The following MAU2 variants were observed in gnomAD, a reference collection of about 807,000 sequenced individuals.
MAU2 encodes MAU2 sister chromatid cohesion factor.
In MAU2, 9 loss-of-function variants were observed where a neutral mutation model predicts 89.1. The observed-to-expected ratio is 0.10, with a 90% CI of 0.06 to 0.18. The LOEUF (loss-of-function observed/expected upper bound fraction) is 0.18, where lower values mean the gene tolerates loss of function less well. MAU2 is among the 10% of genes least tolerant of loss of function. The probability of loss-of-function intolerance (pLI) is 1.00; values close to 1 mark genes in which losing one functional copy is unlikely to be tolerated. For synonymous variants in MAU2, 357 were observed against 343.4 expected, an observed-to-expected ratio of 1.04 and a Z score of -0.44; for missense variants, 425 against 803.5, an observed-to-expected ratio of 0.53 and a Z score of 5.69.
chr19:19,330,668 A>G lies in MAU2; in HGVS notation c.277-5050A>G, dbSNP rs573573024. 2.2e-3 allele frequency among the ~76,000 whole-genome samples: 333 copies of G among 152,242 alleles called. 2 individuals are homozygous for G. Among genetic ancestry groups the G allele is most frequent in the South Asian group, 7.7e-3 (37 of 4,824 alleles). On this transcript the variant is annotated intron_variant, in intron 1 of 18. Coordinates refer to ENST00000262815, the MANE Select transcript of MAU2 (RefSeq NM_015329.4). ...GGCAGGAGAATCGCTTGAACCCGGG[A>G]GCCGGAGGGTGCCATGAGCCAAGAT...
At position 19,342,528 on chromosome 19, in the gene MAU2, T is replaced by C. The variant is rs2061659022; in HGVS notation, c.736-7T>C. 4 of 1,569,148 alleles carry C rather than the reference T, an allele frequency of 2.5e-6. No homozygotes were observed. In the East Asian group the frequency reaches 9.0e-5, roughly 35 times the overall value. On this transcript the variant is annotated splice_polypyrimidine_tract_variant and splice_region_variant and intron_variant, in intron 7 of 18. Transcript: ENST00000262815. ...CAGGTGGATGCTCGGGTGTGGGTGC[T>C]GCACAGGTGAAGAGCGTGAAGCCGT...
At chr19:19,349,011 C>G in intron 14 of MAU2, 73 bp downstream of exon 14, 1 of 1,575,740 alleles carries the variant, frequency 6.3e-7, no homozygotes, top group Non-Finnish European at 8.7e-7. Flanking sequence ...CCCTGACTGC[C>G]CCTTGCACCC....
At chr19:19,353,419 C>T (rs935859549) in intron 16 of MAU2, 3 of 152,214 alleles carry the variant, frequency 2.0e-5, no homozygotes, top group Admixed American at 6.5e-5. Flanking sequence ...AGCTCCAAGA[C>T]CCACCTGGAG....
chr19:19,354,612 G>T, intron 17 of MAU2, 167 bp downstream of exon 17: 1 of 637,184 alleles, frequency 1.6e-6, no homozygotes. Context: ...CTGGTTGAGG[G>T]CAGTGGGTGC....
At position 19,343,831 on chromosome 19, in the gene MAU2, C is replaced by T; in HGVS notation, c.974-6C>T. On this transcript the variant is annotated splice_polypyrimidine_tract_variant and splice_region_variant and intron_variant, in intron 9 of 18. Transcript: ENST00000262815. ...CTGCATGCTTACCCCTGACTCTCAC[C>T]CATAGTGCTGGACTGCAGCCCCATC... 1.2e-6 allele frequency: 2 copies of T among 1,609,888 alleles called. No homozygotes were observed. Among genetic ancestry groups the T allele is most frequent in the Non-Finnish European group, 1.7e-6 (2 of 1,176,804 alleles).
intron 1 of MAU2, among the ~76,000 whole-genome samples, chr19:19,331,488 T>C (rs902738070): frequency 3.0e-5 from 4 of 132,542 alleles, no homozygotes; most frequent in Non-Finnish European, 5.0e-5. Flanking sequence ...GGCGACAGAG[T>C]GCAACTCCGT....
intron 9 of MAU2, 49 bp from the exon 10 acceptor site, chr19:19,343,788 C>CGCCTCCTCTG: frequency 2.8e-6 from 4 of 1,427,188 alleles, no homozygotes; most frequent in Non-Finnish European, 3.9e-6. Flanking sequence ...CTGGGGGTGG[C>CGCCTCCTCTG]GCCTCCTCTG....
intron 7 of MAU2, among the ~76,000 whole-genome samples, chr19:19,341,884 G>T (rs2061651062): frequency 6.6e-6 from 1 of 152,158 alleles, no homozygotes; most frequent in Non-Finnish European, 1.5e-5. Context: ...CCTTGTCTCT[G>T]TGCTTGTGTG....
At chr19:19,330,467 G>A (rs547587198) in intron 1 of MAU2, among the ~76,000 whole-genome samples, 1 of 151,700 alleles carries the variant, frequency 6.6e-6, no homozygotes, top group Non-Finnish European at 1.5e-5. Context: ...CCTGCCAGGC[G>A]CCATGGCTCA....
At chr19:19,332,890 A>T (rs989622877) in intron 1 of MAU2, among the ~76,000 whole-genome samples, 2 of 152,116 alleles carry the variant, frequency 1.3e-5, no homozygotes, top group Non-Finnish European at 2.9e-5. Context: ...CAGCCTGACC[A>T]ACGTAGAGAA....
At chr19:19,349,500 C>T (rs1029336634) in intron 16 of MAU2, 64 bp downstream of exon 16, 72 of 1,401,114 alleles carry the variant, frequency 5.1e-5, no homozygotes, top group African/African-American at 3.8e-4. Flanking sequence ...GGACAGGAGC[C>T]GGCCAGCACC....
At chr19:19,327,742 T>C (rs551119640) in intron 1 of MAU2, among the ~76,000 whole-genome samples, 1 of 152,116 alleles carries the variant, frequency 6.6e-6, no homozygotes, top group East Asian at 1.9e-4. Context: ...CTGTAGGGCC[T>C]CAGAACACCT....
intron 3 of MAU2, 135 bp downstream of exon 3, chr19:19,336,322 A>G: frequency 1.6e-6 from 1 of 636,384 alleles, no homozygotes. Flanking sequence ...GGGTGGGAGG[A>G]CAGGGTCTCA....
chr19:19,321,301 C>T (rs1032518582), intron 1 of MAU2, among the ~76,000 whole-genome samples, 166 bp downstream of exon 1: 1 of 152,184 alleles, frequency 6.6e-6, no homozygotes. Flanking sequence ...CCCAAAGCCA[C>T]CAGCCTCTCA....
In MAU2 at chr19:19,356,107, G is replaced by C; in HGVS notation, c.*325G>C. The stretch of plus-strand genomic sequence containing the variant: ...GGAGTAGGGTGCAGGCCTCCAGCAG[G>C]TCCTAATCCTGTGTGCCAGGGCAGG... On this transcript the variant is annotated 3_prime_UTR_variant, in exon 19 of 19. Coordinates refer to ENST00000262815, the MANE Select transcript of MAU2 (RefSeq NM_015329.4). The C allele has an allele frequency of 1.9e-6, 1 of 516,756 alleles. No homozygotes were observed. Among genetic ancestry groups the C allele is most frequent in the South Asian group, 1.5e-5 (1 of 64,544 alleles). 32.0% of individuals were successfully genotyped at this position (516,756 alleles called of 1,614,324 possible). A position where few individuals can be genotyped will look rare whatever the true frequency, so the allele number is the denominator to read the frequency against.
At chr19:19,354,525 C>G in intron 17 of MAU2, 80 bp downstream of exon 17, 3 of 1,312,596 alleles carry the variant, frequency 2.3e-6, no homozygotes, top group Non-Finnish European at 3.3e-6. Context: ...ATGTCCTGCT[C>G]AGCCTTAGCT....
Position 19,345,213 on chromosome 19 carries a change from G to T in MAU2, c.1156-91G>T. On this transcript the variant is annotated intron_variant, in intron 11 of 18. Coordinates refer to ENST00000262815, the MANE Select transcript of MAU2 (RefSeq NM_015329.4). This position sits in a 1 kb window ranked among gnomAD's most constrained non-coding sequence, Gnocchi z 4.9. ...AGAGCCATTGTCATACTCCTCCAGG[G>T]CAGCCGTGCAGGCCCCGGGCACACC... is the stretch of plus-strand genomic sequence containing the variant. The T allele has an allele frequency of 8.8e-7, 1 of 1,139,762 alleles. No individual in the cohort carries two copies. 70.6% of individuals were successfully genotyped at this position (1,139,762 alleles called of 1,614,324 possible).
chr19:19,335,184 T>G (rs1000264451), intron 1 of MAU2, among the ~76,000 whole-genome samples: 1 of 152,130 alleles, frequency 6.6e-6, no homozygotes, highest in African/African-American at 2.4e-5. Flanking sequence ...TGGAGCCCCC[T>G]CCCTCCCCTC....
intron 1 of MAU2, among the ~76,000 whole-genome samples, chr19:19,330,224 C>T (rs2061544868): frequency 6.6e-6 from 1 of 151,806 alleles, no homozygotes. Flanking sequence ...AAGCAGTCCA[C>T]CTGTCTTGGC....
Sources: allele counts gnomAD v4.1 joint callset (sites outside exome capture counted in the v4.1 genomes callset), GRCh38; gene constraint gnomAD v4.1.1; non-coding constraint Gnocchi (gnomAD v3.1); transcripts MANE v1.5; gene names NCBI Gene and HGNC (gene_info 2026-07-23, HGNC 2026-07-21).